RELN: variants seen among roughly 807,000 people sequenced by gnomAD.
RELN encodes reelin.
RELN carries 108 observed loss-of-function variants against 427.6 expected under a neutral mutation model. The ratio of observed to expected loss-of-function variants is 0.25; its 90% CI spans 0.22 to 0.30. The LOEUF is 0.30. RELN is among the 10% of genes least tolerant of loss of function. The pLI is 1.00. For synonymous variants in RELN, 1,524 were observed against 1,513.4 expected, an observed-to-expected ratio of 1.01 and a Z score of -0.16; for missense variants, 3,715 against 4,302.8, an observed-to-expected ratio of 0.86 and a Z score of 3.82.
At chr7:103,877,694 C>G (rs982800717) in intron 2 of RELN, among the ~76,000 whole-genome samples, 2 of 152,036 alleles carry the variant, frequency 1.3e-5, no homozygotes, top group Non-Finnish European at 2.9e-5. Context: ...AAGTCTGACT[C>G]TAGTTTTTTT....
intron 13 of RELN, 60 bp from the exon 14 acceptor site, chr7:103,652,819 T>C: frequency 2.0e-6 from 3 of 1,507,622 alleles, no homozygotes; most frequent in Non-Finnish European, 1.8e-6. Context: ...CCATGTAAAT[T>C]CTCCTAGATT....
chr7:103,986,011 G>A lies in RELN; in HGVS notation c.226+3120C>T, dbSNP rs547474502. 8.6e-5 allele frequency among the ~76,000 whole-genome samples: 13 copies of A among 152,044 alleles called. No individual in the cohort carries two copies. The East Asian group carries it at 1.5e-3, about 18-fold the overall frequency. On this transcript the variant is annotated intron_variant, in intron 1 of 64. Transcript: ENST00000428762. ...AAATTCCAGGTTTGGTGCCCGAAAC[G>A]CACATTGCGGAAACTGACCATGTCT... is the stretch of plus-strand genomic sequence containing the variant.
chr7:103,620,150 C>T lies in RELN; in HGVS notation c.2703-8347G>A, dbSNP rs1832184585. On this transcript the variant is annotated intron_variant, in intron 20 of 64. Transcript: ENST00000428762. This position sits in a 1 kb window ranked among gnomAD's most constrained non-coding sequence, Gnocchi z 4.1. ...ACTGTTCTCATGGTAGTGGGTAAGT[C>T]TCATGAGAACTGATGATTTTATAAG... Among the ~76,000 whole-genome samples, 1 of 152,116 alleles carries T rather than the reference C, an allele frequency of 6.6e-6. No individual in the cohort carries two copies. The highest frequency in any genetic ancestry group is 2.1e-4 in the South Asian group (1 of 4,820).
intron 46 of RELN, among the ~76,000 whole-genome samples, chr7:103,534,601 C>T (rs1830009945): frequency 6.6e-6 from 1 of 152,068 alleles, no homozygotes; most frequent in South Asian, 2.1e-4. Flanking sequence ...GATCCTCCTG[C>T]CACAGCCTCC....
intron 3 of RELN, among the ~76,000 whole-genome samples, chr7:103,787,505 AC>A (rs1792047881): frequency 6.6e-6 from 1 of 152,234 alleles, no homozygotes; most frequent in Non-Finnish European, 1.5e-5. Flanking sequence ...ACGGGGTATC[AC>A]CACTGATCCC....
At chr7:103,957,718 G>A (rs964893904) in intron 1 of RELN, among the ~76,000 whole-genome samples, 6 of 152,118 alleles carry the variant, frequency 3.9e-5, no homozygotes, top group African/African-American at 1.4e-4. Flanking sequence ...TTTTACATGT[G>A]TTGGAATACT....
At chr7:103,652,467 C>G in intron 14 of RELN, 84 bp downstream of exon 14, 3 of 1,084,058 alleles carry the variant, frequency 2.8e-6, no homozygotes, top group South Asian at 2.6e-5. Context: ...AGTTAAAACT[C>G]TACCTAGAAA....
At chr7:103,770,464 C>A (rs1177440017) in intron 4 of RELN, among the ~76,000 whole-genome samples, 1 of 152,184 alleles carries the variant, frequency 6.6e-6, no homozygotes, top group Non-Finnish European at 1.5e-5. Flanking sequence ...GGTTTGCCTT[C>A]TCCCACACTG....
At chr7:103,902,465 C>T (rs948969394) in intron 2 of RELN, among the ~76,000 whole-genome samples, 1 of 151,860 alleles carries the variant, frequency 6.6e-6, no homozygotes, top group Non-Finnish European at 1.5e-5. Context: ...GAAAGAGAAC[C>T]GGAAATAACA....
intron 2 of RELN, among the ~76,000 whole-genome samples, chr7:103,862,906 T>C (rs914323299): frequency 1.3e-5 from 2 of 152,128 alleles, no homozygotes; most frequent in East Asian, 3.9e-4. Context: ...TAGAAGAATG[T>C]AAGGATTACT....
intron 1 of RELN, among the ~76,000 whole-genome samples, chr7:103,936,444 C>A (rs756327703): frequency 6.6e-6 from 1 of 152,016 alleles, no homozygotes; most frequent in African/African-American, 2.4e-5. Flanking sequence ...CTTCACATAG[C>A]AGCCACAGTG....
At chr7:103,737,012 C>A (rs1433848391) in intron 6 of RELN, among the ~76,000 whole-genome samples, 2 of 151,900 alleles carry the variant, frequency 1.3e-5, no homozygotes, top group Non-Finnish European at 1.5e-5. Context: ...TAAGAGAGAG[C>A]AGAAAGTGGT....
intron 64 of RELN, among the ~76,000 whole-genome samples, chr7:103,476,992 T>C (rs950560895): frequency 3.3e-5 from 5 of 152,246 alleles, no homozygotes; most frequent in Non-Finnish European, 7.3e-5. Flanking sequence ...GCTATGCCAC[T>C]TGACATATCA....
At chr7:103,481,894 A>C (rs1828252546) in intron 63 of RELN, 1 of 152,226 alleles carries the variant, frequency 6.6e-6, no homozygotes, top group African/African-American at 2.4e-5. Flanking sequence ...GGCAGAGCCC[A>C]GCAAGTTGTC....
chr7:103,520,676 T>C (rs1364653904), intron 48 of RELN, among the ~76,000 whole-genome samples: 1 of 152,236 alleles, frequency 6.6e-6, no homozygotes, highest in East Asian at 1.9e-4. Flanking sequence ...ATTCACACTT[T>C]AGCAGAATTT....
rs934303493 is a variant in RELN, at chr7:103,897,772, G to A, written c.337+19303C>T. ...CTTTAAAGAAACCAAAACTGGAAATGTGGCTTACGTAACAAAATCCTAGTG... is the reference window on the plus strand; with the variant it reads ...CTTTAAAGAAACCAAAACTGGAAATATGGCTTACGTAACAAAATCCTAGTG... On this transcript the variant is annotated intron_variant, in intron 2 of 64. Transcript: ENST00000428762. Among the ~76,000 whole-genome samples, 27 of 152,124 alleles carry A rather than the reference G, an allele frequency of 1.8e-4. 1 individual carries two copies. Among genetic ancestry groups the A allele is most frequent in the Middle Eastern group, 3.4e-3 (1 of 294 alleles).
intron 16 of RELN, among the ~76,000 whole-genome samples, chr7:103,644,407 CTTT>C (rs199766997): frequency 8.9e-5 from 12 of 134,750 alleles, no homozygotes; most frequent in Admixed American, 1.5e-4. Context: ...ATAAGTATGT[CTTT>C]TTTTTTTTTT....
intron 22 of RELN, among the ~76,000 whole-genome samples, chr7:103,606,798 A>C (rs1831830561): frequency 6.6e-6 from 1 of 152,092 alleles, no homozygotes. Flanking sequence ...TAAAAAAGAT[A>C]TTATTTCCTT....
rs117960970 is a variant in RELN, at chr7:103,813,495, A to G, written c.473+20042T>C. 5.4e-3 allele frequency among the ~76,000 whole-genome samples: 818 copies of G among 152,054 alleles called. 26 individuals are homozygous for G. Among genetic ancestry groups the G allele is most frequent in the Admixed American group, 0.036 (553 of 15,236 alleles). On this transcript the variant is annotated intron_variant, in intron 3 of 64. Transcript: ENST00000428762. ...AATCACATCAGAACTTTAATGAGTCAATCTGATTACTTTTGTCTTATACTT... is the reference window on the plus strand; with the variant it reads ...AATCACATCAGAACTTTAATGAGTCGATCTGATTACTTTTGTCTTATACTT...
Sources: gnomAD v4.1 joint callset for allele counts (sites outside exome capture counted in the v4.1 genomes callset) on GRCh38, gnomAD v4.1.1 for gene constraint, Gnocchi (gnomAD v3.1) non-coding constraint, MANE v1.5 for transcripts, NCBI Gene and HGNC (gene_info 2026-07-23, HGNC 2026-07-21) for gene names.